The following C1QTNF9 variants were observed in gnomAD, a reference collection of about 807,000 sequenced individuals.
C1QTNF9 encodes the protein complement C1q and tumor necrosis factor-related protein 9A.
Under a neutral mutation model 10.1 loss-of-function variants are expected in C1QTNF9, and 6 were observed. The ratio of observed to expected loss-of-function variants is 0.59; its 90% confidence interval spans 0.32 to 1.17. The LOEUF (loss-of-function observed/expected upper bound fraction) is 1.17. Ranked by LOEUF, C1QTNF9 falls within the 50% of genes most tolerant of loss-of-function variation. C1QTNF9 has a pLI of 0.04. For synonymous variants in C1QTNF9, 98 were observed against 163.5 expected (o/e 0.60, Z 3.06); for missense variants, 201 against 418.8 (o/e 0.48, Z 4.54).
At chr13:24,308,194 G>A (rs879630529), upstream of C1QTNF9, among the ~76,000 whole-genome samples, 1 of 152,234 alleles carries the variant, frequency 6.6e-6, no homozygotes, top group Non-Finnish European at 1.5e-5. Flanking sequence ...CCGGCAGGCT[G>A]CCCAGGTGGT....
At chr13:24,322,051 T>C (rs1249764937) in exon 4 of C1QTNF9, 2 of 360,160 alleles carry the variant, frequency 5.6e-6, no homozygotes, top group East Asian at 1.2e-4. Context: ...AGTGTTTTAA[T>C]ATCATTTTAG....
chr13:24,308,580 G>A (rs1222226485), upstream of C1QTNF9, among the ~76,000 whole-genome samples: 1 of 152,228 alleles, frequency 6.6e-6, no homozygotes, highest in Admixed American at 6.5e-5. Context: ...CGAGTAAGGC[G>A]GGAGAGGGAG....
upstream of C1QTNF9, among the ~76,000 whole-genome samples, chr13:24,308,351 G>A (rs1593528779): frequency 6.6e-6 from 1 of 152,356 alleles, no homozygotes; most frequent in Non-Finnish European, 1.5e-5. Flanking sequence ...CCAGCCACGC[G>A]AGCAAGAGGG....
At chr13:24,318,009 G>A (rs1878106991) in intron 2 of C1QTNF9, among the ~76,000 whole-genome samples, 2 of 152,162 alleles carry the variant, frequency 1.3e-5, no homozygotes, top group East Asian at 1.9e-4. Flanking sequence ...TCCTGTCTCA[G>A]GACCTGCAAG....
chr13:24,317,209 C>A (rs1878072050), intron 2 of C1QTNF9, among the ~76,000 whole-genome samples: 1 of 151,914 alleles, frequency 6.6e-6, no homozygotes, highest in South Asian at 2.1e-4. Context: ...CAAAACCTTA[C>A]CATTAATGAA....
chr13:24,317,287 T>TCTG (rs1878076750), intron 2 of C1QTNF9, among the ~76,000 whole-genome samples: 1 of 144,118 alleles, frequency 6.9e-6, no homozygotes. Context: ...GTGTGTGTAT[T>TCTG]GTATTTCTGA....
intron 2 of C1QTNF9, 136 bp downstream of exon 2, chr13:24,316,305 T>C (rs1878036336): frequency 2.3e-6 from 3 of 1,306,356 alleles, no homozygotes; most frequent in Non-Finnish European, 3.2e-6. Flanking sequence ...CCAGCAACAC[T>C]CACTGGAGCC....
intron 1 of C1QTNF9, among the ~76,000 whole-genome samples, chr13:24,312,282 AC>A (rs1877855881): frequency 6.6e-6 from 1 of 152,190 alleles, no homozygotes; most frequent in African/African-American, 2.4e-5. Context: ...TAAAGCTCTA[AC>A]CCAGGTTGGT....
intron 1 of C1QTNF9, chr13:24,315,607 T>C: frequency 3.4e-6 from 1 of 295,120 alleles, no homozygotes; most frequent in Non-Finnish European, 6.3e-6. Context: ...GGAATGTGCC[T>C]TTATGCATAT....
intron 1 of C1QTNF9, among the ~76,000 whole-genome samples, chr13:24,312,566 T>C (rs1877869373): frequency 6.6e-6 from 1 of 152,212 alleles, no homozygotes; most frequent in Non-Finnish European, 1.5e-5. Context: ...AACATTAATA[T>C]AATTTCTTCT....
At chr13:24,319,071 G>A (rs548114315) in intron 3 of C1QTNF9, among the ~76,000 whole-genome samples, 191 bp downstream of exon 3, 138 of 152,120 alleles carry the variant, frequency 9.1e-4, no homozygotes, top group African/African-American at 3.2e-3. Context: ...TCTCAACTCC[G>A]CAGGCCATAC....
chr13:24,317,295 T>C (rs1418203961), intron 2 of C1QTNF9, among the ~76,000 whole-genome samples: 1 of 151,420 alleles, frequency 6.6e-6, no homozygotes, highest in Non-Finnish European at 1.5e-5. Flanking sequence ...ATTGTATTTC[T>C]GAATATATAA....
intron 1 of C1QTNF9, chr13:24,315,729 C>A: frequency 1.9e-6 from 1 of 526,070 alleles, no homozygotes; most frequent in Non-Finnish European, 3.4e-6. Flanking sequence ...GTATCCTGAC[C>A]TTAAACTTGG....
At chr13:24,321,429 T>C (rs1435527849) in exon 4 of C1QTNF9, 6 of 1,612,140 alleles carry the variant, frequency 3.7e-6, no homozygotes, top group Non-Finnish European at 5.1e-6. Flanking sequence ...ATATGCCCAT[T>C]AAATTTGATA....
At chr13:24,315,988 G>A in exon 2 of C1QTNF9, 1 of 1,613,836 alleles carries the variant, frequency 6.2e-7, no homozygotes. Context: ...TCAGTTCAGA[G>A]TCTGTCATCT....
intron 2 of C1QTNF9, among the ~76,000 whole-genome samples, chr13:24,318,201 G>C (rs1159254028): frequency 1.3e-5 from 2 of 152,100 alleles, no homozygotes; most frequent in African/African-American, 4.8e-5. Context: ...AGCTCAGGGG[G>C]GCCTGTTCTG....
At chr13:24,317,738 G>A (rs971753721) in intron 2 of C1QTNF9, among the ~76,000 whole-genome samples, 8 of 151,746 alleles carry the variant, frequency 5.3e-5, no homozygotes, top group South Asian at 2.1e-4. Flanking sequence ...TTGTGGTTGC[G>A]TGATCATGAA....
At chr13:24,311,805 G>A (rs1877831670) in intron 1 of C1QTNF9, among the ~76,000 whole-genome samples, 1 of 152,202 alleles carries the variant, frequency 6.6e-6, no homozygotes, top group African/African-American at 2.4e-5. Context: ...CTGAGGCCAG[G>A]GGTTTTTCTA....
In C1QTNF9 at chr13:24,313,835, C is replaced by T. The variant is rs116924490; in HGVS notation, c.-22-2147C>T. On this transcript the variant is annotated intron_variant, in intron 1 of 3. Transcript: ENST00000332018. ...GCATATATTCACTTTGAGTTTTTGT[C>T]AATATTCATACAGTCGTAAGTACAT... Among the ~76,000 whole-genome samples the T allele has an allele frequency of 2.0e-3, 297 of 152,276 alleles. 1 individual carries two copies. Among genetic ancestry groups the T allele is most frequent in the Non-Finnish European group, 3.6e-3 (248 of 68,012 alleles).
Sources: allele counts gnomAD v4.1 joint callset (sites outside exome capture counted in the v4.1 genomes callset), GRCh38; gene constraint gnomAD v4.1.1; transcripts MANE v1.5; gene names NCBI Gene and HGNC (gene_info 2026-07-23, HGNC 2026-07-21).